Variants in FANCB observed in about 807,000 individuals in gnomAD.
FANCB encodes the protein FA complementation group B.
Under a neutral mutation model 38.9 loss-of-function variants are expected in FANCB, and 5 were observed. That is an observed-to-expected ratio of 0.13 (90% CI 0.07 to 0.27). The LOEUF (loss-of-function observed/expected upper bound fraction) is 0.27, where lower values mean the gene tolerates loss of function less well. FANCB is among the 10% of genes least tolerant of loss of function. FANCB has a pLI of 1.00. For missense variants in FANCB, 573 were observed against 602.7 expected, an observed-to-expected ratio of 0.95 and a Z score of 0.52; for synonymous variants, 236 against 215.4, an observed-to-expected ratio of 1.10 and a Z score of -0.84.
the FANCB span, among the ~76,000 whole-genome samples, chrX:14,780,675 C>A: frequency 9.0e-6 from 1 of 110,671 alleles, no homozygotes; most frequent in Non-Finnish European, 1.9e-5. Flanking sequence ...AATTACTCAA[C>A]CCTGCATTGC....
chrX:14,864,776 A>G lies in FANCB; in HGVS notation c.735T>C (p.Thr245=), dbSNP rs181962343. 3 of 1,208,107 alleles carry G rather than the reference A, an allele frequency of 2.5e-6. No individual in the cohort carries two copies. The highest frequency in any genetic ancestry group is 5.9e-5 in the East Asian group (2 of 33,773). Residue 245 remains threonine (T), a synonymous_variant, in exon 3 of 10, where the codon ACT becomes ACC. Coordinates refer to ENST00000650831, the MANE Select transcript of FANCB (RefSeq NM_001018113.3). ...SVVTYVHICA[T]EIIKNQLRIS... The stretch of plus-strand genomic sequence containing the variant: ...TTCTTAACTGGTTTTTGATGATCTC[A>G]GTTGCACAAATATGTACATAAGTCA...
At chrX:14,806,156 G>A in the FANCB span, among the ~76,000 whole-genome samples, 1 of 111,734 alleles carries the variant, frequency 8.9e-6, no homozygotes. Context: ...AAGTTTGATA[G>A]AGAGGGAGTG....
chrX:14,850,889 A>G (rs922751571), intron 6 of FANCB, among the ~76,000 whole-genome samples: 14 of 111,234 alleles, frequency 1.3e-4, no homozygotes, highest in Non-Finnish European at 2.6e-4. Context: ...GAGGCATGGC[A>G]TGACTGGGGT....
At chrX:14,708,653 C>G in the FANCB span, among the ~76,000 whole-genome samples, 19 of 111,771 alleles carry the variant, frequency 1.7e-4, no homozygotes, top group African/African-American at 5.9e-4. Flanking sequence ...AGAGAGACAT[C>G]AGGCCAGGCG....
the FANCB span, among the ~76,000 whole-genome samples, chrX:14,760,988 A>C: frequency 9.0e-6 from 1 of 110,873 alleles, no homozygotes; most frequent in Non-Finnish European, 1.9e-5. Flanking sequence ...AAACAACCAC[A>C]ACAACAACAA....
chrX:14,871,282 T>C (rs1017341092), intron 1 of FANCB, among the ~76,000 whole-genome samples: 11 of 111,661 alleles, frequency 9.9e-5, no homozygotes, highest in Admixed American at 9.5e-4. Flanking sequence ...TTTTGAGTTA[T>C]GAAGATCCTG....
At chrX:14,853,245 C>T (rs1192179552) in intron 5 of FANCB, 78 bp from the exon 6 acceptor site, 3 of 929,317 alleles carry the variant, frequency 3.2e-6, no homozygotes. Flanking sequence ...TCAGGAAATA[C>T]TTTCTCCAAA....
At chrX:14,837,854 A>C (rs2092345224) in intron 10 of FANCB, among the ~76,000 whole-genome samples, 1 of 112,153 alleles carries the variant, frequency 8.9e-6, no homozygotes, top group African/African-American at 3.2e-5. Context: ...CTTTGGATAT[A>C]TTATTTAACC....
chrX:14,843,988 TA>T lies in FANCB; in HGVS notation c.2166-8del, dbSNP rs1488937252. ...GAACATAACTGTTTGATTCCTAAAA[TA>T]AAAAAACAAACAAAATATTACAAAA... On this transcript the variant is annotated splice_polypyrimidine_tract_variant and splice_region_variant and intron_variant, in intron 9 of 9. Transcript: ENST00000650831. 2.5e-6 allele frequency: 3 copies of T among 1,198,260 alleles called. No individual in the cohort carries two copies. The South Asian group carries it at 5.3e-5, about 21-fold the overall frequency.
At chrX:14,779,977 A>G in the FANCB span, among the ~76,000 whole-genome samples, 1 of 111,195 alleles carries the variant, frequency 9.0e-6, no homozygotes, top group Non-Finnish European at 1.9e-5. Context: ...GGGAACCTGA[A>G]AGTACAGCAA....
Position 14,844,700 on chromosome X carries a change from A to G in FANCB, c.1968T>C (p.His656=). Residue 656 remains histidine, a synonymous_variant, in exon 9 of 10, where the codon CAT becomes CAC. Coordinates refer to ENST00000650831, the MANE Select transcript of FANCB (RefSeq NM_001018113.3). The stretch of plus-strand genomic sequence containing the variant: ...GTGATGTGATTTGAAAACAAGATTT[A>G]TGGAATGCTGCAAGAAGTGCAAAAA... ...EDLFALLAAF[H]KSCFQITSPG... is the part of the protein sequence containing the mutation. 8.3e-7 allele frequency: 1 copy of G among 1,211,252 alleles called. No individual in the cohort carries two copies. The highest frequency in any genetic ancestry group is 1.1e-6 in the Non-Finnish European group (1 of 894,895).
the FANCB span, among the ~76,000 whole-genome samples, chrX:14,773,583 A>G: frequency 2.7e-5 from 3 of 112,060 alleles, no homozygotes; most frequent in Non-Finnish European, 5.6e-5. Flanking sequence ...TCAATGCTCA[A>G]TGAGATTCTC....
At chrX:14,791,365 G>A in the FANCB span, among the ~76,000 whole-genome samples, 3 of 111,498 alleles carry the variant, frequency 2.7e-5, no homozygotes, top group African/African-American at 9.8e-5. Context: ...ACAACCCAAG[G>A]AACTAGAAAT....
chrX:14,859,045 T>C, intron 4 of FANCB, 137 bp downstream of exon 4: 1 of 414,287 alleles, frequency 2.4e-6, no homozygotes. Flanking sequence ...ATTTAAAAGA[T>C]TCAATCTATA....
In FANCB at chrX:14,867,738, CA is replaced by C. The variant is rs200881996; in HGVS notation, c.-71+1184del. On this transcript the variant is annotated intron_variant, in intron 2 of 9. Coordinates refer to ENST00000650831, the MANE Select transcript of FANCB (RefSeq NM_001018113.3). Reference sequence around the variant, plus strand: ...CAAAAAGAGACAAATGAGATTACATCAAATTGAAAAGCTTTTGCCCAGCCAA... The same window carrying C: ...CAAAAAGAGACAAATGAGATTACATCAATTGAAAAGCTTTTGCCCAGCCAA... Among the ~76,000 whole-genome samples, 42 of 83,220 alleles carry C rather than the reference CA, an allele frequency of 5.0e-4. No homozygotes were observed. In the East Asian group the frequency reaches 0.013, roughly 27 times the overall value. The allele number at this position is 83,220 out of a possible 115,157, so 72.3% of individuals were successfully genotyped here.
At chrX:14,857,804 C>A in intron 5 of FANCB, 58 bp downstream of exon 5, 1 of 811,339 alleles carries the variant, frequency 1.2e-6, no homozygotes, top group South Asian at 2.1e-5. Context: ...TTTCAATGTT[C>A]TTTCCTTCAT....
chrX:14,791,339 T>C, the FANCB span, among the ~76,000 whole-genome samples: 1 of 111,345 alleles, frequency 9.0e-6, no homozygotes, highest in African/African-American at 3.3e-5. Context: ...CATGTGAAGA[T>C]TGGAGTTATG....
the FANCB span, among the ~76,000 whole-genome samples, chrX:14,715,227 G>A: frequency 6.3e-5 from 7 of 111,913 alleles, no homozygotes; most frequent in Admixed American, 4.7e-4. Context: ...AAAAATGGAC[G>A]GTGTTTCAAA....
chrX:14,803,654 G>A, the FANCB span, among the ~76,000 whole-genome samples: 1 of 111,861 alleles, frequency 8.9e-6, no homozygotes, highest in South Asian at 3.7e-4. Flanking sequence ...TGTGTGGAAG[G>A]GGAGGGAGAT....
Sources: gnomAD v4.1 joint callset for allele counts (sites outside exome capture counted in the v4.1 genomes callset) on GRCh38, gnomAD v4.1.1 for gene constraint, MANE v1.5 for transcripts, NCBI Gene and HGNC (gene_info 2026-07-23, HGNC 2026-07-21) for gene names.